Variants in GDF6 observed in about 807,000 individuals in gnomAD.
GDF6 encodes growth differentiation factor 6, also known as growth/differentiation factor 6.
A neutral mutation model predicts 32.4 loss-of-function variants in GDF6; 3 were observed. The observed-to-expected ratio is 0.09, with a 90% confidence interval of 0.04 to 0.24. The LOEUF (loss-of-function observed/expected upper bound fraction) is 0.24. Ranked by LOEUF, GDF6 falls within the 10% of genes least tolerant of loss-of-function variation. GDF6 has a pLI of 1.00. For synonymous variants in GDF6, 296 were observed against 295.3 expected, an observed-to-expected ratio of 1.00 and a Z score of -0.03; for missense variants, 589 against 637.9, an observed-to-expected ratio of 0.92 and a Z score of 0.83.
At chr8:96,156,457 C>T (rs1563513282) in intron 1 of GDF6, among the ~76,000 whole-genome samples, 1 of 151,890 alleles carries the variant, frequency 6.6e-6, no homozygotes, top group Non-Finnish European at 1.5e-5. Context: ...TCCCCTCTAT[C>T]TCTCAGCCCT....
intron 1 of GDF6, among the ~76,000 whole-genome samples, chr8:96,156,068 A>T (rs1158226271): frequency 2.0e-5 from 3 of 152,214 alleles, no homozygotes; most frequent in African/African-American, 7.2e-5. Context: ...GCCAACAAAC[A>T]ATCAGTGGCA....
rs1001648656 is a variant in GDF6 at position 96,144,184 on chromosome 8, C to T, written c.*379G>A. ...AGTTGAGAAACGGGTATGCATCTCTCCTCCCCTCCCCTTCTATCAAAGCCT... is the reference window on the plus strand; with the variant it reads ...AGTTGAGAAACGGGTATGCATCTCTTCTCCCCTCCCCTTCTATCAAAGCCT... On this transcript the variant is annotated 3_prime_UTR_variant, in exon 2 of 2. Coordinates refer to ENST00000287020, the MANE Select transcript of GDF6 (RefSeq NM_001001557.4). The surrounding 1 kb of genome is among the most constrained non-coding windows in gnomAD (Gnocchi z 5.1). The T allele has an allele frequency of 2.7e-5, 6 of 225,934 alleles. No individual in the cohort carries two copies. Among genetic ancestry groups the T allele is most frequent in the African/African-American group, 1.4e-4 (6 of 42,922 alleles). The allele number at this position is 225,934 out of a possible 1,614,324, so 14.0% of individuals were successfully genotyped here.
chr8:96,154,551 C>A (rs1218513440), intron 1 of GDF6, among the ~76,000 whole-genome samples: 1 of 152,162 alleles, frequency 6.6e-6, no homozygotes, highest in African/African-American at 2.4e-5. Flanking sequence ...AACGGAATGG[C>A]ACGGTGAATC....
chr8:96,146,565 A>G (rs970818770), intron 1 of GDF6, among the ~76,000 whole-genome samples: 3 of 152,120 alleles, frequency 2.0e-5, no homozygotes, highest in Non-Finnish European at 4.4e-5. Context: ...TGACAAATGA[A>G]CAAACACACA....
intron 1 of GDF6, among the ~76,000 whole-genome samples, chr8:96,149,000 A>G (rs1042147534): frequency 2.0e-5 from 3 of 152,200 alleles, no homozygotes; most frequent in Non-Finnish European, 4.4e-5. Flanking sequence ...GTTACCCTGA[A>G]GACACTTTGC....
rs926135726 is a variant in GDF6, at chr8:96,145,801, C to G, written c.407-277G>C. Among the ~76,000 whole-genome samples the G allele has an allele frequency of 3.9e-5, 6 of 152,098 alleles. No individual in the cohort carries two copies. In the South Asian group the frequency reaches 1.2e-3, roughly 31 times the overall value. On this transcript the variant is annotated intron_variant, in intron 1 of 1. Transcript: ENST00000287020. This position sits in a 1 kb window ranked among gnomAD's most constrained non-coding sequence, Gnocchi z 5.6. Reference sequence around the variant, plus strand: ...TGGCGAGGCGGCGGCGGCGGCCTACCGGGTTTTCCCCCCAAAAGGCTTCGT... The same window carrying G: ...TGGCGAGGCGGCGGCGGCGGCCTACGGGGTTTTCCCCCCAAAAGGCTTCGT...
In GDF6 at chr8:96,160,316, G is replaced by T. The variant is rs536331514; in HGVS notation, c.377C>A (p.Thr126Lys). 1 of 1,614,242 alleles carries T rather than the reference G, an allele frequency of 6.2e-7. No homozygotes were observed. The highest frequency in any genetic ancestry group is 1.3e-5 in the African/African-American group (1 of 75,060). Residue 126 changes from threonine to lysine, a missense_variant, in exon 1 of 2, where the codon ACG (threonine) becomes AAG (lysine). This residue lies in a region of GDF6 where 436 missense variants were observed against 411.2 expected (regional missense o/e 1.06). Transcript: ENST00000287020. ...TCCCCTGTCTACAAAGCTGGTGATC[G>T]TATTAGCCGACTTGGAAGACTGGAA... ...SFFQSSKSANTITSFVDRGLD... is the reference protein window; with the variant it reads ...SFFQSSKSANKITSFVDRGLD...
intron 1 of GDF6, among the ~76,000 whole-genome samples, chr8:96,148,808 C>T (rs900396294): frequency 6.6e-6 from 1 of 152,220 alleles, no homozygotes; most frequent in African/African-American, 2.4e-5. Flanking sequence ...TTTATCCTTT[C>T]AGCCACAAGT....
chr8:96,143,014 T>C lies in GDF6; in HGVS notation c.*1549A>G, dbSNP rs1345184708. ...CTTCAAAGGGCCTACTCATGGGCAATGTTTGAAAACAATACTGGTGCAGGC... is the reference window on the plus strand; with the variant it reads ...CTTCAAAGGGCCTACTCATGGGCAACGTTTGAAAACAATACTGGTGCAGGC... On this transcript the variant is annotated 3_prime_UTR_variant, in exon 2 of 2. Transcript: ENST00000287020. 1 of 152,234 alleles carries C rather than the reference T, an allele frequency of 6.6e-6. No homozygotes were observed. Among genetic ancestry groups the C allele is most frequent in the Non-Finnish European group, 1.5e-5 (1 of 68,042 alleles). The allele number at this position is 152,234 out of a possible 1,614,324, so 9.4% of individuals were successfully genotyped here.
At position 96,144,268 on chromosome 8, in the gene GDF6, GA is replaced by G; in HGVS notation, c.*294del. 2.2e-6 allele frequency: 1 copy of G among 445,140 alleles called. No homozygotes were observed. The highest frequency in any genetic ancestry group is 2.5e-5 in the African/African-American group (1 of 40,408). 27.6% of individuals were successfully genotyped at this position (445,140 alleles called of 1,614,324 possible). A position where few individuals can be genotyped will look rare whatever the true frequency, so the allele number is the denominator to read the frequency against. On this transcript the variant is annotated 3_prime_UTR_variant, in exon 2 of 2. Transcript: ENST00000287020. This position sits in a 1 kb window ranked among gnomAD's most constrained non-coding sequence, Gnocchi z 5.1. ...ATAGAGAGAGAGAGAGAGAGAGAGA[GA>G]GAGAGAGAGAGAGAGAGAGAGAAAA... is the stretch of plus-strand genomic sequence containing the variant.
chr8:96,144,244 T>TGGAG lies in GDF6; in HGVS notation c.*318_*319insCTCC. On this transcript the variant is annotated 3_prime_UTR_variant, in exon 2 of 2. Coordinates refer to ENST00000287020, the MANE Select transcript of GDF6 (RefSeq NM_001001557.4). This position sits in a 1 kb window ranked among gnomAD's most constrained non-coding sequence, Gnocchi z 5.1. ...ATAAGGAAATCCAAAGCCACAGTAA[T>TGGAG]AGAGAGAGAGAGAGAGAGAGAGAGA... 1.3e-5 allele frequency: 3 copies of TGGAG among 233,042 alleles called. No individual in the cohort carries two copies. The East Asian group carries it at 3.7e-4, about 29-fold the overall frequency. 14.4% of individuals were successfully genotyped at this position (233,042 alleles called of 1,614,324 possible). A position where few individuals can be genotyped will look rare whatever the true frequency, so the allele number is the denominator to read the frequency against.
intron 1 of GDF6, among the ~76,000 whole-genome samples, chr8:96,155,654 G>A (rs997740425): frequency 1.3e-5 from 2 of 152,190 alleles, no homozygotes; most frequent in East Asian, 1.9e-4. Context: ...TCTTTCCGGG[G>A]AAATAAAGCC....
intron 1 of GDF6, among the ~76,000 whole-genome samples, chr8:96,152,116 G>A (rs527998278): frequency 6.6e-6 from 1 of 152,342 alleles, no homozygotes; most frequent in African/African-American, 2.4e-5. Flanking sequence ...CCAGAAGTGA[G>A]TGGAGGAAAG....
intron 1 of GDF6, among the ~76,000 whole-genome samples, chr8:96,147,803 A>G (rs1289359181): frequency 6.6e-6 from 1 of 152,210 alleles, no homozygotes; most frequent in South Asian, 2.1e-4. Flanking sequence ...AGAAAAGGGG[A>G]AAAGAGTCCA....
chr8:96,150,003 TCCAAAAA>T (rs1462258547), intron 1 of GDF6, among the ~76,000 whole-genome samples: 2 of 152,196 alleles, frequency 1.3e-5, no homozygotes, highest in Non-Finnish European at 2.9e-5. Context: ...GTAGAGGGTT[TCCAAAAA>T]CCAGAAACTT....
chr8:96,159,000 G>A (rs1586125615), intron 1 of GDF6, among the ~76,000 whole-genome samples: 1 of 152,082 alleles, frequency 6.6e-6, no homozygotes, highest in African/African-American at 2.4e-5. Context: ...TGGGGGCGGG[G>A]GGGCCGTTAG....
At chr8:96,148,329 G>C (rs768035796) in intron 1 of GDF6, among the ~76,000 whole-genome samples, 1 of 152,200 alleles carries the variant, frequency 6.6e-6, no homozygotes, top group Non-Finnish European at 1.5e-5. Context: ...CTACCTTTGG[G>C]GGAACTGAAT....
rs1426517311 is a variant in GDF6, at chr8:96,145,259, C to T, written c.672G>A (p.Gln224=). 2.6e-6 allele frequency: 4 copies of T among 1,526,358 alleles called. No individual in the cohort carries two copies. Among genetic ancestry groups the T allele is most frequent in the Non-Finnish European group, 3.5e-6 (4 of 1,142,536 alleles). The allele number at this position is 1,526,358 out of a possible 1,614,324, so 94.6% of individuals were successfully genotyped here. A position where few individuals can be genotyped will look rare whatever the true frequency, so the allele number is the denominator to read the frequency against. Residue 224 remains glutamine (Q), a synonymous_variant, in exon 2 of 2, where the codon CAG becomes CAA. Transcript: ENST00000287020. This position sits in a 1 kb window ranked among gnomAD's most constrained non-coding sequence, Gnocchi z 5.6. The part of the protein sequence containing the change: ...VFDVWQGLRH[Q]PWKQLCLELR... ...GCTCCAAGCACAGCTGCTTCCAGGG[C>T]TGGTGGCGCAGGCCCTGCCACACGT...
At chr8:96,146,398 A>C (rs1330889608) in intron 1 of GDF6, among the ~76,000 whole-genome samples, 2 of 151,400 alleles carry the variant, frequency 1.3e-5, no homozygotes, top group African/African-American at 4.9e-5. Context: ...TAGACTCACT[A>C]GTCTGGGGTA....
Sources: gnomAD v4.1 joint callset for allele counts (sites outside exome capture counted in the v4.1 genomes callset) on GRCh38, gnomAD v4.1.1 for gene constraint, gnomAD v4.1.1 regional missense constraint, Gnocchi (gnomAD v3.1) non-coding constraint, MANE v1.5 for transcripts, NCBI Gene and HGNC (gene_info 2026-07-23, HGNC 2026-07-21) for gene names.